The following MYO16 variants were observed in gnomAD, a reference collection of about 807,000 sequenced individuals.
The protein encoded by MYO16 is unconventional myosin-XVI.
Under a neutral mutation model 205.3 loss-of-function variants are expected in MYO16, and 94 were observed. The observed-to-expected ratio is 0.46, with a 90% CI of 0.39 to 0.54. MYO16 has a LOEUF of 0.54. Ranked by LOEUF, MYO16 falls within the 20% of genes least tolerant of loss-of-function variation. MYO16 has a pLI of 0.00. For synonymous variants in MYO16, 988 were observed against 954.0 expected (o/e 1.04, Z -0.66); for missense variants, 2,315 against 2,387.5 (o/e 0.97, Z 0.63).
intron 2 of MYO16, among the ~76,000 whole-genome samples, chr13:108,700,544 G>A (rs2139517945): frequency 6.6e-6 from 1 of 152,218 alleles, no homozygotes; most frequent in South Asian, 2.1e-4. Flanking sequence ...GGTGGCTGCA[G>A]ACTGGGTTTG....
upstream of MYO16, among the ~76,000 whole-genome samples, chr13:108,594,033 T>C (rs1392293613): frequency 1.3e-5 from 2 of 152,178 alleles, no homozygotes; most frequent in African/African-American, 4.8e-5. Context: ...CTGTAACATA[T>C]GAACACAGAC....
intron 32 of MYO16, among the ~76,000 whole-genome samples, chr13:109,160,721 A>T (rs1403327388): frequency 1.3e-5 from 2 of 152,226 alleles, no homozygotes; most frequent in Non-Finnish European, 2.9e-5. Context: ...ACTTTTCTTC[A>T]TTCTCAGAAC....
chr13:109,085,944 G>A (rs894736380), intron 27 of MYO16, among the ~76,000 whole-genome samples: 1 of 152,190 alleles, frequency 6.6e-6, no homozygotes, highest in South Asian at 2.1e-4. Flanking sequence ...CATGTTAGCT[G>A]TCTTGATATG....
At chr13:109,023,303 A>AATATATATATTTATATATTATACAG (rs1566467498) in intron 23 of MYO16, among the ~76,000 whole-genome samples, 4 of 33,102 alleles carry the variant, frequency 1.2e-4, no homozygotes, top group Non-Finnish European at 1.5e-4. Flanking sequence ...TACAGATATA[A>AATATATATATTTATATATTATACAG]ATATATATAT....
chr13:108,748,098 G>A (rs939700029), intron 4 of MYO16, among the ~76,000 whole-genome samples: 1 of 151,958 alleles, frequency 6.6e-6, no homozygotes. Flanking sequence ...GAGATAGACT[G>A]TCTCCTGAGC....
chr13:108,886,661 G>A (rs112772617), intron 13 of MYO16, among the ~76,000 whole-genome samples: 3 of 151,240 alleles, frequency 2.0e-5, no homozygotes, highest in African/African-American at 7.3e-5. Context: ...CTTGCTGCAC[G>A]TGTGCTAAGG....
At chr13:109,051,337 T>C (rs1887240236) in intron 24 of MYO16, among the ~76,000 whole-genome samples, 1 of 152,152 alleles carries the variant, frequency 6.6e-6, no homozygotes, top group Non-Finnish European at 1.5e-5. Flanking sequence ...GCAAAATAAT[T>C]TGAGTATGGC....
At chr13:108,595,380 T>A (rs1009499514), upstream of MYO16, among the ~76,000 whole-genome samples, 1 of 152,200 alleles carries the variant, frequency 6.6e-6, no homozygotes, top group African/African-American at 2.4e-5. Flanking sequence ...TGGAAGGGTC[T>A]GACTCTGATA....
At chr13:108,985,909 C>T (rs775835782) in intron 20 of MYO16, among the ~76,000 whole-genome samples, 16 of 152,074 alleles carry the variant, frequency 1.1e-4, no homozygotes, top group Non-Finnish European at 1.8e-4. Flanking sequence ...TCTGTTTTCA[C>T]GCTGCTGATA....
intron 23 of MYO16, among the ~76,000 whole-genome samples, chr13:109,023,688 T>TATATGTATATATGCATATATACAA (rs1566468311): frequency 3.0e-5 from 3 of 100,254 alleles, no homozygotes; most frequent in Admixed American, 1.2e-4. Flanking sequence ...TATATATACA[T>TATATGTATATATGCATATATACAA]ATATATGTAT....
intron 20 of MYO16, among the ~76,000 whole-genome samples, chr13:108,983,437 A>G (rs930894287): frequency 2.0e-5 from 3 of 152,228 alleles, no homozygotes; most frequent in African/African-American, 7.2e-5. Context: ...TCCAAAAAAG[A>G]GTTGCACATT....
chr13:108,585,560 A>T, the MYO16 span, among the ~76,000 whole-genome samples: 1 of 152,220 alleles, frequency 6.6e-6, no homozygotes, highest in East Asian at 1.9e-4. Context: ...TGGATCTGGA[A>T]AGAAAGGAAG....
chr13:109,173,739 C>CA (rs1341256568), intron 33 of MYO16, among the ~76,000 whole-genome samples: 1 of 150,854 alleles, frequency 6.6e-6, no homozygotes, highest in East Asian at 2.0e-4. Context: ...ACTAAAAATG[C>CA]AAAAAATTAG....
At chr13:109,020,522 G>C (rs77104828) in intron 23 of MYO16, among the ~76,000 whole-genome samples, 2,575 of 152,210 alleles carry the variant, frequency 0.017, 77 homozygotes, top group African/African-American at 0.059. Context: ...TCTCTGTTCA[G>C]GTTATTTTTC....
In MYO16 at chr13:108,885,800, G is replaced by A. The variant is rs196137; in HGVS notation, c.1554-2572G>A. On this transcript the variant is annotated intron_variant, in intron 13 of 34. Transcript: ENST00000457511. ...CGTGGGTCCTGAGCAAGGCTCTAAG[G>A]GGAGAAAAGGAGGAGCAGCAGGCCC... 6.3e-3 allele frequency among the ~76,000 whole-genome samples: 955 copies of A among 152,240 alleles called. 9 individuals are homozygous for A. Among genetic ancestry groups the A allele is most frequent in the African/African-American group, 0.022 (906 of 41,532 alleles).
the MYO16 span, among the ~76,000 whole-genome samples, chr13:108,545,762 G>A: frequency 6.6e-6 from 1 of 152,186 alleles, no homozygotes; most frequent in Non-Finnish European, 1.5e-5. Flanking sequence ...GAAGAGGGAT[G>A]GAGTTTGACT....
At chr13:109,135,831 A>G (rs1205081391) in intron 31 of MYO16, among the ~76,000 whole-genome samples, 1 of 152,184 alleles carries the variant, frequency 6.6e-6, no homozygotes, top group Non-Finnish European at 1.5e-5. Context: ...TCTCTTCTCT[A>G]TCTGGAAGCT....
chr13:108,905,305 AT>A (rs1347813345), intron 15 of MYO16, among the ~76,000 whole-genome samples: 2 of 152,198 alleles, frequency 1.3e-5, no homozygotes, highest in African/African-American at 4.8e-5. Context: ...GTAATTGGAA[AT>A]AAACCACTTT....
At chr13:108,964,635 G>A (rs915339775) in intron 19 of MYO16, 126 bp from the exon 20 acceptor site, 22 of 1,027,360 alleles carry the variant, frequency 2.1e-5, no homozygotes, top group African/African-American at 1.6e-4. Flanking sequence ...ATGAGAATCC[G>A]TATAATTTTT....
Sources: allele counts gnomAD v4.1 joint callset (sites outside exome capture counted in the v4.1 genomes callset), GRCh38; gene constraint gnomAD v4.1.1; transcripts MANE v1.5; gene names NCBI Gene and HGNC (gene_info 2026-07-23, HGNC 2026-07-21).